The following CLEC16A variants were observed in gnomAD, a reference collection of about 807,000 sequenced individuals.
CLEC16A encodes the protein protein CLEC16A.
In CLEC16A, 51 loss-of-function variants were observed where a neutral mutation model predicts 109.5. The ratio of observed to expected loss-of-function variants is 0.47; its 90% CI spans 0.37 to 0.59. CLEC16A has a LOEUF of 0.59. Ranked by LOEUF, CLEC16A falls within the 20% of genes least tolerant of loss-of-function variation. The pLI is 0.00. For synonymous variants in CLEC16A, 673 were observed against 564.2 expected (o/e 1.19, Z -2.73); for missense variants, 1,339 against 1,394.0 (o/e 0.96, Z 0.63).
chr16:11,148,238 G>A (rs1192356240), intron 22 of CLEC16A, among the ~76,000 whole-genome samples: 2 of 152,164 alleles, frequency 1.3e-5, no homozygotes, highest in African/African-American at 4.8e-5. Flanking sequence ...CTTATTTCCT[G>A]GTGCTGCTAG....
At chr16:11,033,889 C>A (rs969338182) in intron 13 of CLEC16A, among the ~76,000 whole-genome samples, 1 of 152,172 alleles carries the variant, frequency 6.6e-6, no homozygotes, top group Non-Finnish European at 1.5e-5. Context: ...GAAAATGCAG[C>A]CTTCGCTCTT....
chr16:11,093,009 C>T (rs547009568), intron 19 of CLEC16A, among the ~76,000 whole-genome samples: 1 of 152,302 alleles, frequency 6.6e-6, no homozygotes. Flanking sequence ...CAGGGAGGAG[C>T]TGGGATGAGG....
intron 7 of CLEC16A, among the ~76,000 whole-genome samples, chr16:10,973,716 T>A (rs2042902944): frequency 6.6e-6 from 1 of 151,374 alleles, no homozygotes; most frequent in Non-Finnish European, 1.5e-5. Flanking sequence ...CCACCAGGCC[T>A]GTGCCACCAT....
intron 10 of CLEC16A, among the ~76,000 whole-genome samples, chr16:10,988,936 C>G (rs1355598094): frequency 6.6e-6 from 1 of 152,216 alleles, no homozygotes; most frequent in Non-Finnish European, 1.5e-5. Context: ...CCTTCCACCT[C>G]CTACCTGGGA....
intron 18 of CLEC16A, among the ~76,000 whole-genome samples, chr16:11,058,686 C>G (rs2152899443): frequency 1.3e-5 from 2 of 152,200 alleles, no homozygotes; most frequent in African/African-American, 4.8e-5. Context: ...AGATATTGGC[C>G]TATATTGGGA....
chr16:11,080,955 G>T (rs2049676416), intron 19 of CLEC16A, among the ~76,000 whole-genome samples: 1 of 152,242 alleles, frequency 6.6e-6, no homozygotes, highest in Non-Finnish European at 1.5e-5. Context: ...ATTAGGTCGT[G>T]GGCATCTTTG....
At chr16:11,032,651 G>A (rs545647232) in intron 13 of CLEC16A, among the ~76,000 whole-genome samples, 37 of 152,290 alleles carry the variant, frequency 2.4e-4, no homozygotes, top group Admixed American at 1.0e-3. Context: ...CAGGGTGGTC[G>A]GGGAGGGCTC....
chr16:11,178,209 C>T lies in CLEC16A; in HGVS notation c.2807-126C>T, dbSNP rs2068834735. 4 of 793,774 alleles carry T rather than the reference C, an allele frequency of 5.0e-6. No homozygotes were observed. The Admixed American group carries it at 9.3e-5, about 19-fold the overall frequency. The allele number at this position is 793,774 out of a possible 1,614,324, so 49.2% of individuals were successfully genotyped here. ...GGAGTGAGTGGAGCCACGCTGAGCCCTCACGCCAGCCAGCCACCTCCCACC... is the reference window on the plus strand; with the variant it reads ...GGAGTGAGTGGAGCCACGCTGAGCCTTCACGCCAGCCAGCCACCTCCCACC... On this transcript the variant is annotated intron_variant, in intron 23 of 23. Coordinates refer to ENST00000409790, the MANE Select transcript of CLEC16A (RefSeq NM_015226.3). The surrounding 1 kb of genome is among the most constrained non-coding windows in gnomAD (Gnocchi z 6.5).
chr16:10,970,077 T>G (rs1310457547), intron 4 of CLEC16A, among the ~76,000 whole-genome samples: 1 of 152,140 alleles, frequency 6.6e-6, no homozygotes, highest in Non-Finnish European at 1.5e-5. Context: ...AACAATAGGG[T>G]CAATGTATCA....
intron 18 of CLEC16A, among the ~76,000 whole-genome samples, chr16:11,054,634 C>T (rs2048116438): frequency 6.6e-6 from 1 of 152,202 alleles, no homozygotes; most frequent in Non-Finnish European, 1.5e-5. Context: ...ACCTCAAAGC[C>T]AAGGCATCCA....
Position 11,174,368 on chromosome 16 carries a change from C to A in CLEC16A, c.2807-3967C>A. Reference sequence around the variant, plus strand: ...GCAGGGTCCGCGCTGGCAAGGTGGGCCAAGCTGGGCCTGAGCACAGAGCCA... The same window carrying A: ...GCAGGGTCCGCGCTGGCAAGGTGGGACAAGCTGGGCCTGAGCACAGAGCCA... On this transcript the variant is annotated intron_variant, in intron 23 of 23. Coordinates refer to ENST00000409790, the MANE Select transcript of CLEC16A (RefSeq NM_015226.3). This position sits in a 1 kb window ranked among gnomAD's most constrained non-coding sequence, Gnocchi z 4.7. 1 of 380,798 alleles carries A rather than the reference C, an allele frequency of 2.6e-6. No homozygotes were observed. Among genetic ancestry groups the A allele is most frequent in the South Asian group, 1.9e-5 (1 of 53,950 alleles). 23.6% of individuals were successfully genotyped at this position (380,798 alleles called of 1,614,324 possible). A position where few individuals can be genotyped will look rare whatever the true frequency, so the allele number is the denominator to read the frequency against.
intron 19 of CLEC16A, among the ~76,000 whole-genome samples, chr16:11,108,810 G>T (rs1019101657): frequency 6.6e-6 from 1 of 152,140 alleles, no homozygotes; most frequent in African/African-American, 2.4e-5. Context: ...AGCAGCCATT[G>T]TCATTGATGA....
At chr16:11,033,619 C>T (rs1357947014) in intron 13 of CLEC16A, among the ~76,000 whole-genome samples, 1 of 152,186 alleles carries the variant, frequency 6.6e-6, no homozygotes, top group Non-Finnish European at 1.5e-5. Context: ...TTCAGCCTCA[C>T]TTTTCCAGAT....
intron 17 of CLEC16A, among the ~76,000 whole-genome samples, chr16:11,049,611 G>T (rs1322972142): frequency 2.0e-5 from 3 of 152,216 alleles, no homozygotes; most frequent in Non-Finnish European, 4.4e-5. Flanking sequence ...CAGCCTTCAG[G>T]AATGCAGCTT....
intron 22 of CLEC16A, among the ~76,000 whole-genome samples, chr16:11,152,156 C>T (rs1597578031): frequency 6.6e-6 from 1 of 152,196 alleles, no homozygotes; most frequent in Admixed American, 6.5e-5. Context: ...ATTTAGCCTG[C>T]ATTTCAGGGG....
chr16:11,006,293 T>C (rs1473421816), intron 11 of CLEC16A, among the ~76,000 whole-genome samples: 1 of 152,118 alleles, frequency 6.6e-6, no homozygotes, highest in Non-Finnish European at 1.5e-5. Context: ...GCTCCCTCAG[T>C]AAAAAATGAG....
chr16:10,955,548 A>G (rs2041946318), intron 1 of CLEC16A, among the ~76,000 whole-genome samples: 1 of 152,298 alleles, frequency 6.6e-6, no homozygotes, highest in South Asian at 2.1e-4. Flanking sequence ...TTGAAATGTA[A>G]AAGTTTGCTG....
At chr16:11,026,217 A>C in intron 13 of CLEC16A, among the ~76,000 whole-genome samples, 1 of 152,130 alleles carries the variant, frequency 6.6e-6, no homozygotes, top group Non-Finnish European at 1.5e-5. Flanking sequence ...CTTCTCCTTG[A>C]TTTTCTGGAG....
At chr16:11,111,278 G>T (rs116608482) in intron 19 of CLEC16A, among the ~76,000 whole-genome samples, 5,601 of 152,200 alleles carry the variant, frequency 0.037, 388 homozygotes, top group African/African-American at 0.13. Context: ...GGCTCAATGG[G>T]AATAACTCTG....
Sources: gnomAD v4.1 joint callset for allele counts (sites outside exome capture counted in the v4.1 genomes callset) on GRCh38, gnomAD v4.1.1 for gene constraint, Gnocchi (gnomAD v3.1) non-coding constraint, MANE v1.5 for transcripts, NCBI Gene and HGNC (gene_info 2026-07-23, HGNC 2026-07-21) for gene names.